DTNB: variants seen among roughly 807,000 people sequenced by gnomAD.
DTNB encodes the protein dystrobrevin beta.
DTNB carries 63 observed loss-of-function variants against 90.7 expected under a neutral mutation model. The ratio of observed to expected loss-of-function variants is 0.69; its 90% CI spans 0.57 to 0.86. The LOEUF is 0.86. Ranked by LOEUF, DTNB falls within the 40% of genes least tolerant of loss-of-function variation. The pLI is 0.00. For synonymous variants in DTNB, 277 were observed against 286.7 expected (o/e 0.97, Z 0.34); for missense variants, 744 against 807.1 (o/e 0.92, Z 0.95).
chr2:25,658,256 CAAA>C (rs896773539), intron 1 of DTNB, among the ~76,000 whole-genome samples: 3 of 65,292 alleles, frequency 4.6e-5, no homozygotes, highest in Admixed American at 1.8e-4. Context: ...GACTCCATCT[CAAA>C]AAAAAAAAAA....
chr2:25,458,055 G>A (rs2060318675), intron 10 of DTNB, among the ~76,000 whole-genome samples: 1 of 151,932 alleles, frequency 6.6e-6, no homozygotes, highest in Non-Finnish European at 1.5e-5. Flanking sequence ...GGATGGTCTC[G>A]ATCTCTTGAC....
chr2:25,453,043 T>TA lies in DTNB; in HGVS notation c.1170-1409dup, dbSNP rs149023326. ...GAAATAAGAGAACTATCTTTTAAAT[T>TA]AAAAAAAAAACAATAAAAATGAATG... On this transcript the variant is annotated intron_variant, in intron 11 of 20. Coordinates refer to ENST00000406818, the MANE Select transcript of DTNB (RefSeq NM_021907.5). 1.5e-3 allele frequency among the ~76,000 whole-genome samples: 221 copies of TA among 148,472 alleles called. 3 individuals are homozygous for TA. The South Asian group carries it at 0.018, about 12-fold the overall frequency.
At chr2:25,617,103 C>G (rs1460245166) in intron 4 of DTNB, among the ~76,000 whole-genome samples, 1 of 152,146 alleles carries the variant, frequency 6.6e-6, no homozygotes, top group African/African-American at 2.4e-5. Flanking sequence ...ACCCAACAAA[C>G]TACGAATCTT....
chr2:25,403,315 C>T (rs1226517180), intron 16 of DTNB, among the ~76,000 whole-genome samples: 1 of 152,178 alleles, frequency 6.6e-6, no homozygotes, highest in East Asian at 1.9e-4. Flanking sequence ...GGGGTTCCGC[C>T]ATGTTGGCCA....
chr2:25,607,606 G>A (rs767154150), intron 4 of DTNB, among the ~76,000 whole-genome samples: 9 of 152,098 alleles, frequency 5.9e-5, no homozygotes, highest in Non-Finnish European at 1.3e-4. Context: ...TGAACCTGAA[G>A]TGAATTTCCT....
intron 16 of DTNB, among the ~76,000 whole-genome samples, chr2:25,407,043 T>C (rs1046176638): frequency 6.6e-6 from 1 of 152,214 alleles, no homozygotes; most frequent in Admixed American, 6.5e-5. Flanking sequence ...GAAGGGTTTA[T>C]GGTTAGCCAT....
At chr2:25,380,846 G>A (rs1191221135) in intron 19 of DTNB, among the ~76,000 whole-genome samples, 3 of 152,062 alleles carry the variant, frequency 2.0e-5, no homozygotes, top group Admixed American at 6.5e-5. Context: ...CTGGAGGCCC[G>A]GGCAAGGGAA....
intron 10 of DTNB, among the ~76,000 whole-genome samples, chr2:25,462,425 A>G (rs1460383008): frequency 6.6e-6 from 1 of 152,142 alleles, no homozygotes; most frequent in African/African-American, 2.4e-5. Flanking sequence ...GGTAACAATT[A>G]TGTACCAAGC....
chr2:25,425,396 A>C (rs1478459294), intron 15 of DTNB, among the ~76,000 whole-genome samples: 1 of 152,204 alleles, frequency 6.6e-6, no homozygotes, highest in Non-Finnish European at 1.5e-5. Flanking sequence ...CATTTATCCA[A>C]GTTGCTAATG....
At chr2:25,635,005 A>G (rs368708470) in intron 3 of DTNB, among the ~76,000 whole-genome samples, 7 of 143,672 alleles carry the variant, frequency 4.9e-5, no homozygotes, top group African/African-American at 1.5e-4. Flanking sequence ...CTATTGTCCT[A>G]TGACCCTGCC....
At chr2:25,619,554 C>A (rs1015136844) in intron 4 of DTNB, among the ~76,000 whole-genome samples, 2 of 152,146 alleles carry the variant, frequency 1.3e-5, no homozygotes, top group Non-Finnish European at 2.9e-5. Context: ...TAGCATTATA[C>A]TAATTGAGGA....
At chr2:25,422,395 C>CTTT (rs146697158) in intron 15 of DTNB, among the ~76,000 whole-genome samples, 20 of 82,942 alleles carry the variant, frequency 2.4e-4, no homozygotes, top group African/African-American at 4.0e-4. Flanking sequence ...CTTTTCTCTT[C>CTTT]TTTTTTTTTT....
chr2:25,637,303 A>G (rs1218366576), intron 3 of DTNB, among the ~76,000 whole-genome samples: 1 of 152,168 alleles, frequency 6.6e-6, no homozygotes, highest in Non-Finnish European at 1.5e-5. Context: ...CATGGGCAAG[A>G]ACTTCATGTC....
intron 7 of DTNB, among the ~76,000 whole-genome samples, chr2:25,579,479 T>A (rs571187050): frequency 3.1e-4 from 47 of 152,240 alleles, no homozygotes; most frequent in African/African-American, 1.1e-3. Context: ...TTTTGAGGAA[T>A]GAAGAAAGGC....
chr2:25,386,642 T>A (rs2039547276), intron 18 of DTNB, among the ~76,000 whole-genome samples: 1 of 152,290 alleles, frequency 6.6e-6, no homozygotes, highest in African/African-American at 2.4e-5. Flanking sequence ...CTCTCTTTCC[T>A]GGGTTTTATG....
intron 8 of DTNB, among the ~76,000 whole-genome samples, chr2:25,562,773 CT>C (rs1161329249): frequency 6.6e-6 from 1 of 151,800 alleles, no homozygotes; most frequent in Non-Finnish European, 1.5e-5. Flanking sequence ...CCCCAATTTA[CT>C]TTTTTTTCTT....
intron 9 of DTNB, among the ~76,000 whole-genome samples, chr2:25,488,791 C>CA (rs2150437925): frequency 6.6e-6 from 1 of 152,262 alleles, no homozygotes; most frequent in Admixed American, 6.5e-5. Flanking sequence ...GCTGGGATTA[C>CA]AGGCATCCGC....
chr2:25,494,182 T>C (rs2068239026), intron 9 of DTNB, among the ~76,000 whole-genome samples: 1 of 152,102 alleles, frequency 6.6e-6, no homozygotes, highest in Non-Finnish European at 1.5e-5. Context: ...CTACTACTCA[T>C]GGTGGTATTT....
In DTNB at chr2:25,672,552, T is replaced by C. The variant is rs1464655153; in HGVS notation, c.-2+834A>G. Among the ~76,000 whole-genome samples, 3 of 152,204 alleles carry C rather than the reference T, an allele frequency of 2.0e-5. No homozygotes were observed. The South Asian group carries it at 6.2e-4, about 31-fold the overall frequency. ...ACTCTCCCAAATTTCTCCCATAGGC[T>C]TCTTTTGACCTTTCTGCTTTATCCC... On this transcript the variant is annotated intron_variant, in intron 1 of 20. Coordinates refer to ENST00000406818, the MANE Select transcript of DTNB (RefSeq NM_021907.5).
Sources: allele counts gnomAD v4.1 joint callset (sites outside exome capture counted in the v4.1 genomes callset), GRCh38; gene constraint gnomAD v4.1.1; transcripts MANE v1.5; gene names NCBI Gene and HGNC (gene_info 2026-07-23, HGNC 2026-07-21).